GNA12: variants seen among roughly 807,000 people sequenced by gnomAD.
The protein encoded by GNA12 is G protein subunit alpha 12.
A neutral mutation model predicts 26.0 loss-of-function variants in GNA12; 9 were observed. That is an observed-to-expected ratio of 0.35 (90% CI 0.21 to 0.60). GNA12 has a LOEUF of 0.60. GNA12 is among the 20% of genes least tolerant of loss of function. The pLI, the probability that GNA12 is intolerant of heterozygous loss-of-function variation, is 0.78. For missense variants in GNA12, 405 were observed against 525.8 expected, an observed-to-expected ratio of 0.77 and a Z score of 2.25; for synonymous variants, 264 against 219.6, an observed-to-expected ratio of 1.20 and a Z score of -1.79.
intron 1 of GNA12, among the ~76,000 whole-genome samples, chr7:2,834,612 A>T (rs927186035): frequency 1.3e-5 from 2 of 152,236 alleles, no homozygotes; most frequent in African/African-American, 4.8e-5. Flanking sequence ...TTCTTCAAAA[A>T]GTTTCTAAAA....
At chr7:2,757,128 C>CTTTTTTTTT (rs1562409543) in intron 2 of GNA12, among the ~76,000 whole-genome samples, 2 of 115,134 alleles carry the variant, frequency 1.7e-5, no homozygotes, top group Non-Finnish European at 1.8e-5. Context: ...ATCAGGTGGG[C>CTTTTTTTTT]CTTTTTTTTT....
intron 2 of GNA12, among the ~76,000 whole-genome samples, chr7:2,776,097 G>T (rs888529143): frequency 8.5e-5 from 13 of 152,198 alleles, no homozygotes; most frequent in African/African-American, 3.1e-4. Flanking sequence ...ATCCAGGTTA[G>T]ACCGCTCATT....
At chr7:2,810,042 G>A (rs557594268) in intron 1 of GNA12, among the ~76,000 whole-genome samples, 4 of 152,292 alleles carry the variant, frequency 2.6e-5, no homozygotes, top group South Asian at 4.1e-4. Context: ...CATTAGAAAG[G>A]GGTCAACCCC....
intron 2 of GNA12, among the ~76,000 whole-genome samples, chr7:2,780,431 C>T (rs546831433): frequency 4.6e-5 from 7 of 151,962 alleles, no homozygotes; most frequent in Admixed American, 1.3e-4. Context: ...ATGCACTAAC[C>T]GATAAAATAG....
intron 2 of GNA12, among the ~76,000 whole-genome samples, chr7:2,776,531 G>A (rs879428452): frequency 1.3e-5 from 2 of 152,176 alleles, no homozygotes; most frequent in African/African-American, 4.8e-5. Flanking sequence ...CACATTCAAC[G>A]GCTAAAGGAC....
At chr7:2,826,359 AGAGT>A (rs967064338) in intron 1 of GNA12, among the ~76,000 whole-genome samples, 1 of 145,076 alleles carries the variant, frequency 6.9e-6, no homozygotes, top group Non-Finnish European at 1.5e-5. Context: ...CCTGGGTGAC[AGAGT>A]GAGACTCCAT....
At chr7:2,775,706 T>G (rs1189388155) in intron 2 of GNA12, among the ~76,000 whole-genome samples, 1 of 152,188 alleles carries the variant, frequency 6.6e-6, no homozygotes, top group Non-Finnish European at 1.5e-5. Context: ...GCCTATGAAT[T>G]AAAGCAGAGG....
chr7:2,756,748 G>A (rs1435301306), intron 2 of GNA12, among the ~76,000 whole-genome samples: 2 of 152,196 alleles, frequency 1.3e-5, no homozygotes, highest in Non-Finnish European at 1.5e-5. Flanking sequence ...GAAGGGACCT[G>A]AGAATATGAT....
chr7:2,822,124 T>A (rs112197632), intron 1 of GNA12, among the ~76,000 whole-genome samples: 1 of 152,368 alleles, frequency 6.6e-6, no homozygotes, highest in Non-Finnish European at 1.5e-5. Flanking sequence ...AACGTTAGAA[T>A]GTGCTTAGCC....
intron 1 of GNA12, among the ~76,000 whole-genome samples, chr7:2,834,789 A>G (rs1055015761): frequency 1.3e-5 from 2 of 152,218 alleles, no homozygotes; most frequent in African/African-American, 4.8e-5. Flanking sequence ...TATTCAGTAT[A>G]GTAACATGCG....
At chr7:2,823,229 T>A (rs974591551) in intron 1 of GNA12, among the ~76,000 whole-genome samples, 1 of 152,158 alleles carries the variant, frequency 6.6e-6, no homozygotes, top group African/African-American at 2.4e-5. Flanking sequence ...GTCTGCTTCA[T>A]CCAGCATACA....
chr7:2,837,826 A>G (rs1346586065), intron 1 of GNA12, among the ~76,000 whole-genome samples: 2 of 151,894 alleles, frequency 1.3e-5, no homozygotes, highest in African/African-American at 4.9e-5. Flanking sequence ...AAAGAAGACC[A>G]TCAGAATAGG....
intron 2 of GNA12, among the ~76,000 whole-genome samples, chr7:2,735,381 G>C (rs758839840): frequency 3.3e-5 from 5 of 152,208 alleles, no homozygotes; most frequent in Non-Finnish European, 5.9e-5. Context: ...TTCTAGCTGG[G>C]TCAGGCATGG....
intron 2 of GNA12, among the ~76,000 whole-genome samples, chr7:2,785,690 T>C (rs544315415): frequency 2.0e-5 from 3 of 146,508 alleles, no homozygotes; most frequent in Admixed American, 2.0e-4. Context: ...GTGTATTGTG[T>C]ATGTGCATAC....
At chr7:2,736,533 G>A (rs1010009056) in intron 2 of GNA12, among the ~76,000 whole-genome samples, 1 of 152,188 alleles carries the variant, frequency 6.6e-6, no homozygotes, top group Admixed American at 6.5e-5. Context: ...AGTGAAAGAG[G>A]GGTTGTCTGT....
At chr7:2,820,002 C>T (rs1793314170) in intron 1 of GNA12, among the ~76,000 whole-genome samples, 1 of 152,288 alleles carries the variant, frequency 6.6e-6, no homozygotes, top group East Asian at 1.9e-4. Flanking sequence ...CACGGATAAA[C>T]AAAACGGGGC....
chr7:2,780,899 T>C (rs540308251), intron 2 of GNA12, among the ~76,000 whole-genome samples: 1 of 152,362 alleles, frequency 6.6e-6, no homozygotes, highest in East Asian at 1.9e-4. Context: ...TGGAAACACA[T>C]ATCTTAACTT....
intron 1 of GNA12, among the ~76,000 whole-genome samples, chr7:2,822,506 G>C (rs1347991634): frequency 6.6e-6 from 1 of 152,246 alleles, no homozygotes; most frequent in Non-Finnish European, 1.5e-5. Context: ...CACTTTGGGA[G>C]GCCAAGGTGG....
At chr7:2,786,219 A>G (rs115754326) in intron 2 of GNA12, among the ~76,000 whole-genome samples, 1 of 152,364 alleles carries the variant, frequency 6.6e-6, no homozygotes, top group African/African-American at 2.4e-5. Flanking sequence ...ATCCCGTGCT[A>G]TAATCCTGTA....
Sources: gnomAD v4.1 joint callset for allele counts (sites outside exome capture counted in the v4.1 genomes callset) on GRCh38, gnomAD v4.1.1 for gene constraint, MANE v1.5 for transcripts, NCBI Gene and HGNC (gene_info 2026-07-23, HGNC 2026-07-21) for gene names.